SLC24A2: variants seen among roughly 807,000 people sequenced by gnomAD.
SLC24A2 encodes solute carrier family 24 member 2.
Under a neutral mutation model 62.0 loss-of-function variants are expected in SLC24A2, and 36 were observed. That is an observed-to-expected ratio of 0.58 (90% CI 0.44 to 0.77). The LOEUF is 0.77. Among genes scored for constraint, SLC24A2 ranks in the 30% least tolerant of loss-of-function variants. The pLI is 0.00. For synonymous variants in SLC24A2, 358 were observed against 294.0 expected, an observed-to-expected ratio of 1.22 and a Z score of -2.23; for missense variants, 846 against 817.9, an observed-to-expected ratio of 1.03 and a Z score of -0.42.
the SLC24A2 span, among the ~76,000 whole-genome samples, chr9:19,869,323 C>T: frequency 2.6e-5 from 4 of 152,124 alleles, no homozygotes; most frequent in African/African-American, 4.8e-5. Flanking sequence ...TGTCTTGTTT[C>T]GTATCTTCTG....
chr9:20,257,814 C>A, the SLC24A2 span, among the ~76,000 whole-genome samples: 3 of 152,172 alleles, frequency 2.0e-5, no homozygotes, highest in African/African-American at 7.2e-5. Context: ...GTTCCCATCC[C>A]CTGAGCCTCT....
At chr9:19,526,981 A>T (rs751951365) in intron 9 of SLC24A2, among the ~76,000 whole-genome samples, 2 of 152,168 alleles carry the variant, frequency 1.3e-5, no homozygotes, top group African/African-American at 2.4e-5. Context: ...ACAAACTCTT[A>T]CATTTCAAAC....
the SLC24A2 span, among the ~76,000 whole-genome samples, chr9:19,982,375 T>C: frequency 6.6e-6 from 1 of 152,164 alleles, no homozygotes; most frequent in Admixed American, 6.5e-5. Flanking sequence ...GCAAGCACAG[T>C]CAGTTCACAA....
chr9:19,657,457 G>A (rs921024347), intron 2 of SLC24A2, among the ~76,000 whole-genome samples: 2 of 152,006 alleles, frequency 1.3e-5, no homozygotes, highest in Non-Finnish European at 2.9e-5. Flanking sequence ...CATGTACCAT[G>A]GTGGTTTGCT....
chr9:19,663,574 C>G (rs1486123926), intron 2 of SLC24A2, among the ~76,000 whole-genome samples: 1 of 152,128 alleles, frequency 6.6e-6, no homozygotes, highest in Non-Finnish European at 1.5e-5. Flanking sequence ...AGTAAAGGCC[C>G]TGGGTCCACG....
intron 2 of SLC24A2, among the ~76,000 whole-genome samples, chr9:19,777,699 G>A (rs994985243): frequency 1.3e-5 from 2 of 152,058 alleles, no homozygotes. Flanking sequence ...ATACATAGGT[G>A]TGTATATATA....
intron 2 of SLC24A2, among the ~76,000 whole-genome samples, chr9:19,741,225 G>A (rs1821667355): frequency 6.6e-6 from 1 of 152,152 alleles, no homozygotes; most frequent in African/African-American, 2.4e-5. Context: ...TGTGACACTT[G>A]AGAGGATATT....
At chr9:20,209,629 AT>A in the SLC24A2 span, among the ~76,000 whole-genome samples, 2 of 152,178 alleles carry the variant, frequency 1.3e-5, no homozygotes, top group Non-Finnish European at 2.9e-5. Flanking sequence ...ACAAGTCCTC[AT>A]TTAACATCCA....
chr9:20,053,676 C>T, the SLC24A2 span, among the ~76,000 whole-genome samples: 2 of 152,160 alleles, frequency 1.3e-5, no homozygotes, highest in Non-Finnish European at 2.9e-5. Flanking sequence ...TCCCTTACTC[C>T]TTCCATTATG....
At chr9:20,227,302 T>C in the SLC24A2 span, among the ~76,000 whole-genome samples, 1 of 152,152 alleles carries the variant, frequency 6.6e-6, no homozygotes, top group Non-Finnish European at 1.5e-5. Flanking sequence ...CTTTGGTATG[T>C]GATGGTGTGT....
the SLC24A2 span, among the ~76,000 whole-genome samples, chr9:20,169,165 A>G: frequency 6.6e-6 from 1 of 152,058 alleles, no homozygotes; most frequent in Admixed American, 6.6e-5. Flanking sequence ...ATAGATAGAC[A>G]AAGTAGAATT....
At chr9:20,106,061 T>C in the SLC24A2 span, among the ~76,000 whole-genome samples, 1 of 152,194 alleles carries the variant, frequency 6.6e-6, no homozygotes, top group East Asian at 1.9e-4. Flanking sequence ...CAGAGAATAC[T>C]ACAAACACCT....
chr9:20,022,227 C>G, the SLC24A2 span, among the ~76,000 whole-genome samples: 2 of 152,100 alleles, frequency 1.3e-5, no homozygotes, highest in African/African-American at 4.8e-5. Context: ...CTATACCACC[C>G]ACGAAATCTG....
the SLC24A2 span, among the ~76,000 whole-genome samples, chr9:20,286,743 G>C: frequency 6.6e-6 from 1 of 152,130 alleles, no homozygotes; most frequent in South Asian, 2.1e-4. Context: ...TGGGGAAGGG[G>C]ATGCTATTGA....
chr9:19,691,722 G>T (rs13300703), intron 2 of SLC24A2, among the ~76,000 whole-genome samples: 26,912 of 151,970 alleles, frequency 0.18, 2,569 homozygotes, highest in Middle Eastern at 0.24. Context: ...AAATGTTTGT[G>T]GTACCACCTA....
intron 4 of SLC24A2, among the ~76,000 whole-genome samples, chr9:19,614,512 T>G (rs1817714485): frequency 6.6e-6 from 1 of 152,208 alleles, no homozygotes; most frequent in Non-Finnish European, 1.5e-5. Context: ...CTGGATCACA[T>G]CCAAGGTGGT....
the SLC24A2 span, among the ~76,000 whole-genome samples, chr9:20,028,081 C>T: frequency 6.6e-6 from 1 of 152,158 alleles, no homozygotes; most frequent in African/African-American, 2.4e-5. Context: ...ACATTTTGGA[C>T]TCTGATACCA....
chr9:19,540,505 C>T (rs903069206), intron 8 of SLC24A2, among the ~76,000 whole-genome samples: 2 of 151,304 alleles, frequency 1.3e-5, no homozygotes, highest in African/African-American at 4.9e-5. Flanking sequence ...GTTGAAAATT[C>T]TTGTCTTTAA....
rs1176211573 is a variant in SLC24A2, at chr9:19,766,672, C to T, written c.930+19265G>A. Among the ~76,000 whole-genome samples, 14 of 152,192 alleles carry T rather than the reference C, an allele frequency of 9.2e-5. No homozygotes were observed. The East Asian group carries it at 2.5e-3, about 27-fold the overall frequency. On this transcript the variant is annotated intron_variant, in intron 2 of 10. Transcript: ENST00000341998. ...TGCCTGCTCCTTCTGGAAGCTTCAT[C>T]CCAGAGGGGCACCTGCCAGATGCCA...
Sources: allele counts gnomAD v4.1 joint callset (sites outside exome capture counted in the v4.1 genomes callset), GRCh38; gene constraint gnomAD v4.1.1; transcripts MANE v1.5; gene names NCBI Gene and HGNC (gene_info 2026-07-23, HGNC 2026-07-21).